DGKI: variants seen among roughly 807,000 people sequenced by gnomAD.
The protein encoded by DGKI is DAG kinase iota.
A neutral mutation model predicts 147.5 loss-of-function variants in DGKI; 55 were observed. The observed-to-expected ratio is 0.37, with a 90% confidence interval of 0.30 to 0.47. The LOEUF (loss-of-function observed/expected upper bound fraction) is 0.47, where lower values mean the gene tolerates loss of function less well. Ranked by LOEUF, DGKI falls within the 20% of genes least tolerant of loss-of-function variation. DGKI has a pLI of 1.00. For missense variants in DGKI, 1,007 were observed against 1,323.8 expected, an observed-to-expected ratio of 0.76 and a Z score of 3.71; for synonymous variants, 469 against 477.1, an observed-to-expected ratio of 0.98 and a Z score of 0.22.
At chr7:137,671,218 A>G (rs529589688) in intron 3 of DGKI, among the ~76,000 whole-genome samples, 2 of 152,354 alleles carry the variant, frequency 1.3e-5, no homozygotes, top group South Asian at 4.1e-4. Context: ...GGACATGACC[A>G]GCATTCCTGT....
chr7:137,767,327 C>G (rs192909849), intron 1 of DGKI, among the ~76,000 whole-genome samples: 9 of 152,046 alleles, frequency 5.9e-5, no homozygotes, highest in Non-Finnish European at 1.3e-4. Context: ...AAAAAAAACT[C>G]TTTGGTAAGA....
intron 8 of DGKI, among the ~76,000 whole-genome samples, chr7:137,617,266 G>C (rs1433839077): frequency 6.6e-6 from 1 of 151,894 alleles, no homozygotes; most frequent in African/African-American, 2.4e-5. Context: ...TCAAAATATG[G>C]GAAATCCTAT....
intron 23 of DGKI, among the ~76,000 whole-genome samples, chr7:137,473,786 C>T (rs986158785): frequency 6.6e-6 from 1 of 152,090 alleles, no homozygotes; most frequent in Non-Finnish European, 1.5e-5. Context: ...GCCTTAAGTT[C>T]TTCTACTTAT....
At chr7:137,716,891 A>G (rs1206781692) in intron 1 of DGKI, among the ~76,000 whole-genome samples, 1 of 152,124 alleles carries the variant, frequency 6.6e-6, no homozygotes, top group East Asian at 1.9e-4. Context: ...AAATTTTTCC[A>G]CCCGTGTTTT....
At chr7:137,569,249 A>G (rs1818698455) in intron 19 of DGKI, among the ~76,000 whole-genome samples, 1 of 152,114 alleles carries the variant, frequency 6.6e-6, no homozygotes, top group African/African-American at 2.4e-5. Context: ...AGGCCTAGGT[A>G]AGGGATTGTC....
chr7:137,836,227 T>C (rs534488374), intron 1 of DGKI, among the ~76,000 whole-genome samples: 38 of 152,374 alleles, frequency 2.5e-4, no homozygotes, highest in South Asian at 6.2e-4. Context: ...TGGGCATTTA[T>C]TTTTGAAGTA....
At chr7:137,766,818 A>G (rs1356303994) in intron 1 of DGKI, among the ~76,000 whole-genome samples, 9 of 152,090 alleles carry the variant, frequency 5.9e-5, no homozygotes, top group African/African-American at 2.2e-4. Flanking sequence ...CCACAATGAG[A>G]TCTTTCTGTT....
At chr7:137,601,651 A>G (rs538962148) in intron 10 of DGKI, among the ~76,000 whole-genome samples, 2 of 152,230 alleles carry the variant, frequency 1.3e-5, no homozygotes, top group Non-Finnish European at 2.9e-5. Context: ...GTGAATCACT[A>G]ACAGTCACGT....
intron 1 of DGKI, chr7:137,722,111 C>A (rs1794575063): frequency 6.3e-7 from 1 of 1,598,460 alleles, no homozygotes; most frequent in Admixed American, 1.7e-5. Flanking sequence ...AAGGGGAAGC[C>A]CCATTGCAGC....
At chr7:137,440,914 G>A (rs1813473765) in intron 28 of DGKI, among the ~76,000 whole-genome samples, 1 of 152,116 alleles carries the variant, frequency 6.6e-6, no homozygotes, top group Non-Finnish European at 1.5e-5. Flanking sequence ...GCTAAATGGT[G>A]TATTAAACAT....
chr7:137,527,712 T>C (rs1252496021), intron 20 of DGKI, among the ~76,000 whole-genome samples: 1 of 152,160 alleles, frequency 6.6e-6, no homozygotes, highest in African/African-American at 2.4e-5. Flanking sequence ...TTGCTACTCA[T>C]ATAGAGTTGT....
At chr7:137,546,732 T>C (rs552357141) in intron 20 of DGKI, among the ~76,000 whole-genome samples, 1 of 152,316 alleles carries the variant, frequency 6.6e-6, no homozygotes, top group South Asian at 2.1e-4. Flanking sequence ...TTCTCTCCAC[T>C]CTCTTATTTA....
chr7:137,523,430 C>T (rs1461013936), intron 20 of DGKI, among the ~76,000 whole-genome samples: 1 of 140,868 alleles, frequency 7.1e-6, no homozygotes, highest in African/African-American at 3.1e-5. Context: ...CATTCTCTCT[C>T]TCTTTCTCTC....
chr7:137,552,365 TCACTCATTGAGTAAAGG>T lies in DGKI; in HGVS notation c.2134_2147+3del. The T allele has an allele frequency of 6.2e-7, 1 of 1,612,690 alleles. No homozygotes were observed. Among genetic ancestry groups the T allele is most frequent in the Non-Finnish European group, 8.5e-7 (1 of 1,179,972 alleles). On this transcript the variant is annotated splice_donor_variant and splice_donor_region_variant and coding_sequence_variant and intron_variant, in exon 20 of 33. Transcript: ENST00000614521. LOFTEE classifies it high-confidence loss of function. ...TAAGCAAGGTAGGCCATGAGCAGACTCACTCATTGAGTAAAGGCATGGATGTTCTCCTCTTGCTCTTC... is the reference window on the plus strand; with the variant it reads ...TAAGCAAGGTAGGCCATGAGCAGACTCATGGATGTTCTCCTCTTGCTCTTC...
chr7:137,838,393 A>C (rs1798450220), intron 1 of DGKI, among the ~76,000 whole-genome samples: 1 of 152,208 alleles, frequency 6.6e-6, no homozygotes, highest in Non-Finnish European at 1.5e-5. Flanking sequence ...AGCCTGAGGA[A>C]TGTTCCAGAA....
chr7:137,422,950 T>C (rs1812638913), intron 28 of DGKI, among the ~76,000 whole-genome samples: 1 of 152,210 alleles, frequency 6.6e-6, no homozygotes, highest in South Asian at 2.1e-4. Flanking sequence ...CAGTACACTG[T>C]AACATTCTTT....
At chr7:137,590,683 C>T (rs780788526) in intron 12 of DGKI, among the ~76,000 whole-genome samples, 2 of 152,052 alleles carry the variant, frequency 1.3e-5, no homozygotes, top group Non-Finnish European at 2.9e-5. Flanking sequence ...TTCTATGAAT[C>T]GATGCTGTGT....
chr7:137,734,202 T>C (rs755351299), intron 1 of DGKI, among the ~76,000 whole-genome samples: 1 of 151,806 alleles, frequency 6.6e-6, no homozygotes, highest in Non-Finnish European at 1.5e-5. Flanking sequence ...TATTGGGGAG[T>C]CTAATTTTAG....
intron 19 of DGKI, among the ~76,000 whole-genome samples, chr7:137,559,089 T>TG (rs1818325242): frequency 7.4e-6 from 1 of 134,694 alleles, no homozygotes; most frequent in African/African-American, 2.9e-5. Flanking sequence ...TTTTTTTTTT[T>TG]GAGACGGAGT....
Sources: allele counts gnomAD v4.1 joint callset (sites outside exome capture counted in the v4.1 genomes callset), GRCh38; gene constraint gnomAD v4.1.1; transcripts MANE v1.5; gene names NCBI Gene and HGNC (gene_info 2026-07-23, HGNC 2026-07-21).